Variants in IL1RAPL1 observed in about 807,000 individuals in gnomAD.
IL1RAPL1 encodes interleukin-1 receptor accessory protein-like 1.
In IL1RAPL1, 3 loss-of-function variants were observed where a neutral mutation model predicts 48.4. That is an observed-to-expected ratio of 0.06 (90% confidence interval 0.03 to 0.16). The LOEUF is 0.16. IL1RAPL1 is among the 10% of genes least tolerant of loss of function. The pLI is 1.00. For synonymous variants in IL1RAPL1, 185 were observed against 187.7 expected, an observed-to-expected ratio of 0.99 and a Z score of 0.12; for missense variants, 349 against 530.6, an observed-to-expected ratio of 0.66 and a Z score of 3.36.
chrX:29,340,099 A>C (rs1260493171), intron 3 of IL1RAPL1, among the ~76,000 whole-genome samples: 1 of 112,260 alleles, frequency 8.9e-6, no homozygotes, highest in African/African-American at 3.2e-5. Context: ...TATCTAGTCA[A>C]TATTCTTTGT....
At chrX:28,687,207 G>C (rs1269846068) in intron 1 of IL1RAPL1, among the ~76,000 whole-genome samples, 1 of 110,428 alleles carries the variant, frequency 9.1e-6, no homozygotes, top group South Asian at 3.8e-4. Context: ...TTTTCTTTCA[G>C]GATTATTCTC....
intron 6 of IL1RAPL1, among the ~76,000 whole-genome samples, chrX:29,812,615 A>C (rs771911012): frequency 1.6e-4 from 18 of 111,530 alleles, no homozygotes; most frequent in African/African-American, 5.5e-4. Context: ...GAGATGAGTA[A>C]ATAAAAAAGT....
chrX:29,839,672 A>G (rs1931093265), intron 6 of IL1RAPL1, among the ~76,000 whole-genome samples: 1 of 112,504 alleles, frequency 8.9e-6, no homozygotes, highest in African/African-American at 3.2e-5. Flanking sequence ...CACGCCTGTA[A>G]TTCCAGCACT....
chrX:28,628,409 C>T (rs1226854149), intron 1 of IL1RAPL1, among the ~76,000 whole-genome samples: 1 of 112,203 alleles, frequency 8.9e-6, no homozygotes, highest in Admixed American at 9.4e-5. Context: ...CCATCTGCCT[C>T]TTGCACTTAA....
rs1284820047 is a variant in IL1RAPL1, at chrX:29,907,737, C to T, written c.779-9727C>T. Among the ~76,000 whole-genome samples the T allele has an allele frequency of 2.7e-5, 3 of 112,018 alleles. No individual in the cohort carries two copies. In the East Asian group the frequency reaches 8.3e-4, roughly 31 times the overall value. Reference sequence around the variant, plus strand: ...TCTTTAGGATAGTTGTTGACAATATCTACCTACTTAAATTTCTAAATAAAT... The same window carrying T: ...TCTTTAGGATAGTTGTTGACAATATTTACCTACTTAAATTTCTAAATAAAT... On this transcript the variant is annotated intron_variant, in intron 6 of 10. Transcript: ENST00000378993.
At chrX:29,621,065 A>G (rs1163186293) in intron 5 of IL1RAPL1, among the ~76,000 whole-genome samples, 1 of 112,226 alleles carries the variant, frequency 8.9e-6, no homozygotes, top group Non-Finnish European at 1.9e-5. Flanking sequence ...TGTTCTGCTT[A>G]CAGTGGATGT....
intron 2 of IL1RAPL1, among the ~76,000 whole-genome samples, chrX:29,258,597 A>C (rs1931796392): frequency 9.1e-6 from 1 of 110,470 alleles, no homozygotes; most frequent in Admixed American, 9.7e-5. Flanking sequence ...GTTATTATTT[A>C]GTTTTTTTTT....
intron 5 of IL1RAPL1, among the ~76,000 whole-genome samples, chrX:29,570,233 G>A (rs1922550248): frequency 8.9e-6 from 1 of 112,402 alleles, no homozygotes; most frequent in Admixed American, 9.4e-5. Flanking sequence ...ATCAAAAATA[G>A]CTGAGAATTG....
chrX:29,331,300 C>A (rs1022767612), intron 3 of IL1RAPL1, among the ~76,000 whole-genome samples: 3 of 111,218 alleles, frequency 2.7e-5, no homozygotes, highest in Middle Eastern at 4.3e-3. Flanking sequence ...GGAACACTGC[C>A]TCATCTATTC....
intron 5 of IL1RAPL1, among the ~76,000 whole-genome samples, chrX:29,494,427 G>T (rs759091486): frequency 2.7e-5 from 3 of 111,831 alleles, no homozygotes; most frequent in Non-Finnish European, 5.6e-5. Context: ...GCAAGATGCT[G>T]GACATTTCCT....
intron 1 of IL1RAPL1, among the ~76,000 whole-genome samples, chrX:28,741,140 T>C (rs1242757097): frequency 8.9e-6 from 1 of 112,067 alleles, no homozygotes; most frequent in African/African-American, 3.2e-5. Flanking sequence ...TGGCTGAACT[T>C]ATTTACATTC....
intron 3 of IL1RAPL1, among the ~76,000 whole-genome samples, chrX:29,394,671 C>T (rs749382943): frequency 8.9e-6 from 1 of 111,867 alleles, no homozygotes; most frequent in East Asian, 2.8e-4. Context: ...ATTTGCCTAT[C>T]TCTTTCCCTG....
At chrX:29,834,085 G>T (rs1930938384) in intron 6 of IL1RAPL1, among the ~76,000 whole-genome samples, 1 of 111,871 alleles carries the variant, frequency 8.9e-6, no homozygotes, top group Non-Finnish European at 1.9e-5. Flanking sequence ...TTTATTTCAG[G>T]ATCACAAGTG....
At chrX:29,306,924 C>G (rs1330912210) in intron 3 of IL1RAPL1, among the ~76,000 whole-genome samples, 3 of 108,477 alleles carry the variant, frequency 2.8e-5, no homozygotes, top group East Asian at 2.8e-4. Flanking sequence ...CTTGTTATCT[C>G]CTGTTTAAAA....
intron 2 of IL1RAPL1, among the ~76,000 whole-genome samples, chrX:29,022,110 C>T (rs66767629): frequency 0.041 from 4,608 of 111,472 alleles, 94 homozygotes; most frequent in East Asian, 0.061. Context: ...CCAGCTCCTT[C>T]AGCAAGTCCT....
chrX:29,138,923 A>G lies in IL1RAPL1; in HGVS notation c.83-144015A>G, dbSNP rs182887644. ...TGAAGGATATATTGAATAATAACAA[A>G]TAGAAGTATTTCAGGAAGCATAGAG... On this transcript the variant is annotated intron_variant, in intron 2 of 10. Transcript: ENST00000378993. Among the ~76,000 whole-genome samples, 101 of 112,206 alleles carry G rather than the reference A, an allele frequency of 9.0e-4. 1 individual carries two copies. The highest frequency in any genetic ancestry group is 3.2e-3 in the African/African-American group (100 of 30,970).
intron 2 of IL1RAPL1, among the ~76,000 whole-genome samples, chrX:28,894,880 C>T (rs1316478807): frequency 9.0e-6 from 1 of 110,691 alleles, no homozygotes; most frequent in African/African-American, 3.3e-5. Flanking sequence ...CGGACACGAT[C>T]AGCAGGGAGA....
chrX:29,061,396 A>G (rs1927338057), intron 2 of IL1RAPL1, among the ~76,000 whole-genome samples: 1 of 112,043 alleles, frequency 8.9e-6, no homozygotes, highest in African/African-American at 3.2e-5. Context: ...CAAGTCATAT[A>G]GTGAAGGTAT....
intron 5 of IL1RAPL1, among the ~76,000 whole-genome samples, chrX:29,623,236 T>TC (rs1159772942): frequency 9.4e-6 from 1 of 106,570 alleles, no homozygotes; most frequent in Non-Finnish European, 1.9e-5. Context: ...CGAGCCGAGA[T>TC]GCGCCACTGC....
Sources: allele counts gnomAD v4.1 joint callset (sites outside exome capture counted in the v4.1 genomes callset), GRCh38; gene constraint gnomAD v4.1.1; transcripts MANE v1.5; gene names NCBI Gene and HGNC (gene_info 2026-07-23, HGNC 2026-07-21).